Variants in GRIA4 observed in about 807,000 individuals in gnomAD.
GRIA4 encodes the protein glutamate receptor 4.
In GRIA4, 34 loss-of-function variants were observed where a neutral mutation model predicts 104.0. The ratio of observed to expected loss-of-function variants is 0.33; its 90% CI spans 0.25 to 0.44. The LOEUF (loss-of-function observed/expected upper bound fraction) is 0.44. GRIA4 is among the 20% of genes least tolerant of loss of function. The pLI is 1.00. For missense variants in GRIA4, 750 were observed against 1,096.5 expected (o/e 0.68, Z 4.46); for synonymous variants, 386 against 381.9 (o/e 1.01, Z -0.13).
intron 3 of GRIA4, among the ~76,000 whole-genome samples, chr11:105,719,116 C>G (rs1185290344): frequency 1.3e-5 from 2 of 152,096 alleles, no homozygotes; most frequent in South Asian, 4.1e-4. Context: ...AATGGACAAT[C>G]TGAGCTTCTT....
chr11:105,823,524 G>T (rs568826962), intron 4 of GRIA4, among the ~76,000 whole-genome samples: 66 of 152,156 alleles, frequency 4.3e-4, no homozygotes, highest in African/African-American at 1.5e-3. Flanking sequence ...GAATTGAGTG[G>T]ATACAGCTGA....
chr11:105,655,640 A>T (rs1449782981), intron 3 of GRIA4, among the ~76,000 whole-genome samples: 1 of 152,150 alleles, frequency 6.6e-6, no homozygotes, highest in African/African-American at 2.4e-5. Flanking sequence ...AGCTTCATCC[A>T]TGTCCCTGCA....
Position 105,887,541 on chromosome 11 carries a change from T to C in GRIA4, c.695T>C (p.Val232Ala), listed in dbSNP as rs371397394. ...CAGATTGTAAGTGTTGGAAAGCATG[T>C]TAAAGGCTACCATTATATCATTGCA... Reference protein sequence around the residue: ...LEQIVSVGKHVKGYHYIIANL... With the variant: ...LEQIVSVGKHAKGYHYIIANL... The change falls in exon 6 of 17, where the codon GTT becomes GCT. Residue 232 changes from valine (V) to alanine (A), a missense_variant. Physicochemically the swap from Val to Ala is moderately conservative, Grantham distance 64. Coordinates refer to ENST00000282499, the MANE Select transcript of GRIA4 (RefSeq NM_000829.4). The C allele has an allele frequency of 2.1e-6, 3 of 1,461,280 alleles. No homozygotes were observed. In the African/African-American group the frequency reaches 4.2e-5, roughly 20 times the overall value. The allele number at this position is 1,461,280 out of a possible 1,614,324, so 90.5% of individuals were successfully genotyped here.
At chr11:105,757,523 A>G (rs1324332417) in intron 4 of GRIA4, among the ~76,000 whole-genome samples, 1 of 152,162 alleles carries the variant, frequency 6.6e-6, no homozygotes, top group East Asian at 1.9e-4. Flanking sequence ...AATCCTAGAG[A>G]TGAAATACAG....
chr11:105,636,563 G>T (rs1196012709), intron 3 of GRIA4, among the ~76,000 whole-genome samples: 2 of 152,088 alleles, frequency 1.3e-5, no homozygotes, highest in Non-Finnish European at 2.9e-5. Flanking sequence ...AAATAGAAAG[G>T]ATTTCCACCA....
At chr11:105,706,583 T>A (rs565484255) in intron 3 of GRIA4, 1 of 153,988 alleles carries the variant, frequency 6.5e-6, no homozygotes, top group Non-Finnish European at 1.5e-5. Flanking sequence ...TTGTTCAAGA[T>A]GTTGCCAATA....
chr11:105,892,892 G>C (rs1307745726), intron 6 of GRIA4, among the ~76,000 whole-genome samples: 1 of 152,032 alleles, frequency 6.6e-6, no homozygotes, highest in Non-Finnish European at 1.5e-5. Context: ...CTACGAAACT[G>C]AAATGCAAAA....
At chr11:105,887,137 C>T (rs757102224) in intron 5 of GRIA4, among the ~76,000 whole-genome samples, 2 of 152,030 alleles carry the variant, frequency 1.3e-5, no homozygotes, top group African/African-American at 2.4e-5. Flanking sequence ...AGCCTATCTT[C>T]CATTTTTATA....
In GRIA4 at chr11:105,610,891, G is replaced by GTTTTTTT; in HGVS notation, c.-90-15_-90-14insTTTTTTT. ...TTTTCTTTTTTTTTTTTTTTTTTTGGTTGATTTTAATTTTAGCGCCATCGT... is the reference window on the plus strand; with the variant it reads ...TTTTCTTTTTTTTTTTTTTTTTTTGGTTTTTTTTTGATTTTAATTTTAGCGCCATCGT... On this transcript the variant is annotated splice_polypyrimidine_tract_variant and intron_variant, in intron 1 of 16. Transcript: ENST00000282499. The GTTTTTTT allele has an allele frequency of 7.0e-6, 2 of 283,732 alleles. No homozygotes were observed. Among genetic ancestry groups the GTTTTTTT allele is most frequent in the South Asian group, 1.3e-4 (1 of 7,996 alleles). The allele number at this position is 283,732 out of a possible 1,614,324, so 17.6% of individuals were successfully genotyped here. A position where few individuals can be genotyped will look rare whatever the true frequency, so the allele number is the denominator to read the frequency against.
chr11:105,714,068 G>A (rs571254928), intron 3 of GRIA4, among the ~76,000 whole-genome samples: 51 of 152,204 alleles, frequency 3.4e-4, no homozygotes, highest in African/African-American at 1.2e-3. Flanking sequence ...GGGCTTGTAG[G>A]TGAGAATTGT....
At chr11:105,618,675 A>G (rs926485390) in intron 3 of GRIA4, among the ~76,000 whole-genome samples, 1 of 151,958 alleles carries the variant, frequency 6.6e-6, no homozygotes, top group African/African-American at 2.4e-5. Flanking sequence ...GCTGTGCAAT[A>G]GAGATTTGGA....
intron 15 of GRIA4, 43 bp downstream of exon 15, chr11:105,972,071 C>T: frequency 1.7e-6 from 2 of 1,191,934 alleles, no homozygotes; most frequent in Non-Finnish European, 2.5e-6. Flanking sequence ...GTTCACAAAG[C>T]AGTAAACGGG....
At position 105,821,893 on chromosome 11, in the gene GRIA4, T is replaced by A. The variant is rs140823978; in HGVS notation, c.488-40131T>A. On this transcript the variant is annotated intron_variant, in intron 4 of 16. Coordinates refer to ENST00000282499, the MANE Select transcript of GRIA4 (RefSeq NM_000829.4). The stretch of plus-strand genomic sequence containing the variant: ...CTTATCATATTAAGCCGAGTCAGGC[T>A]GATCTCACTGCTGCTTCGAGGTACC... Among the ~76,000 whole-genome samples the A allele has an allele frequency of 1.9e-3, 287 of 152,268 alleles. 2 individuals carry two copies. Among genetic ancestry groups the A allele is most frequent in the African/African-American group, 6.6e-3 (273 of 41,560 alleles).
At chr11:105,816,004 C>T (rs1943359727) in intron 4 of GRIA4, among the ~76,000 whole-genome samples, 3 of 152,036 alleles carry the variant, frequency 2.0e-5, no homozygotes. Flanking sequence ...TGCTTTTGAC[C>T]CCAACTCACA....
At chr11:105,849,343 G>C (rs923687434) in intron 4 of GRIA4, among the ~76,000 whole-genome samples, 4 of 152,158 alleles carry the variant, frequency 2.6e-5, no homozygotes, top group Admixed American at 2.0e-4. Flanking sequence ...TACAGAGCAA[G>C]GTCAGGCAAA....
At position 105,851,531 on chromosome 11, in the gene GRIA4, G is replaced by A. The variant is rs949770648; in HGVS notation, c.488-10493G>A. Among the ~76,000 whole-genome samples, 2 of 152,196 alleles carry A rather than the reference G, an allele frequency of 1.3e-5. 1 individual carries two copies. Among genetic ancestry groups the A allele is most frequent in the Non-Finnish European group, 2.9e-5 (2 of 68,030 alleles). The stretch of plus-strand genomic sequence containing the variant: ...AGAAAAAAGACAACAACCCCACATG[G>A]ATGAGGCCAGAGAAGGCTTCTGAAA... On this transcript the variant is annotated intron_variant, in intron 4 of 16. Coordinates refer to ENST00000282499, the MANE Select transcript of GRIA4 (RefSeq NM_000829.4).
intron 3 of GRIA4, among the ~76,000 whole-genome samples, chr11:105,727,775 T>G (rs1196010387): frequency 1.3e-5 from 2 of 152,138 alleles, no homozygotes; most frequent in African/African-American, 4.8e-5. Context: ...CCAGCCAAAC[T>G]AAGCTTCTTA....
At chr11:105,893,952 T>G (rs930690282) in intron 6 of GRIA4, among the ~76,000 whole-genome samples, 2 of 152,204 alleles carry the variant, frequency 1.3e-5, no homozygotes, top group Admixed American at 1.3e-4. Context: ...GCGTCTAGTT[T>G]CTTTATCGAC....
At chr11:105,661,526 CA>C (rs1952009712) in intron 3 of GRIA4, among the ~76,000 whole-genome samples, 1 of 151,400 alleles carries the variant, frequency 6.6e-6, no homozygotes, top group South Asian at 2.1e-4. Flanking sequence ...TAGATGAAAT[CA>C]AGAAATGCAT....
Sources: allele counts gnomAD v4.1 joint callset (sites outside exome capture counted in the v4.1 genomes callset), GRCh38; gene constraint gnomAD v4.1.1; transcripts MANE v1.5; gene names NCBI Gene and HGNC (gene_info 2026-07-23, HGNC 2026-07-21).